Variants in NHLRC3 observed in about 807,000 individuals in gnomAD.
The protein encoded by NHLRC3 is NHL repeat-containing protein 3.
A neutral mutation model predicts 32.0 loss-of-function variants in NHLRC3; 23 were observed. The ratio of observed to expected loss-of-function variants is 0.72; its 90% confidence interval spans 0.52 to 1.02. The LOEUF (loss-of-function observed/expected upper bound fraction) is 1.02, where lower values mean the gene tolerates loss of function less well. Among genes scored for constraint, NHLRC3 ranks in the 50% least tolerant of loss-of-function variants. The probability of loss-of-function intolerance (pLI) is 0.00; values close to 1 mark genes in which losing one functional copy is unlikely to be tolerated. For synonymous variants in NHLRC3, 159 were observed against 147.9 expected (o/e 1.08, Z -0.55); for missense variants, 407 against 406.8 (o/e 1.00, Z -0.01).
chr13:39,039,099 C>A, intron 1 of NHLRC3, 37 bp from the exon 2 acceptor site: 1 of 995,706 alleles, frequency 1.0e-6, no homozygotes, highest in Non-Finnish European at 1.4e-6. Context: ...CTTACCTAGA[C>A]GGTAAACTAA....
At chr13:39,040,919 A>G (rs1871443446) in intron 3 of NHLRC3, 1 of 152,222 alleles carries the variant, frequency 6.6e-6, no homozygotes, top group African/African-American at 2.4e-5. Flanking sequence ...AAAAAAGTCT[A>G]TAGATTATCA....
rs756346791 is a variant in NHLRC3 at position 39,039,266 on chromosome 13, A to G, written c.215A>G (p.Asn72Ser). Residue 72 changes from asparagine to serine, a missense_variant, in exon 2 of 7, where the codon AAT (asparagine) becomes AGT (serine). Asn to Ser is a conservative substitution (Grantham distance 46, BLOSUM62 1). Transcript: ENST00000379600. Reference protein sequence around the residue: ...TTFCVAVDSLNGLVYIGQRGD... With the variant: ...TTFCVAVDSLSGLVYIGQRGD... The stretch of plus-strand genomic sequence containing the variant: ...TTTTGTGTTGCAGTTGACTCCCTCA[A>G]TGGATTGGTTTACATAGGTCAAGTA... The G allele has an allele frequency of 5.6e-6, 9 of 1,613,912 alleles. No individual in the cohort carries two copies. Among genetic ancestry groups the G allele is most frequent in the South Asian group, 2.2e-5 (2 of 91,090 alleles).
At chr13:39,044,396 G>C (rs1168634529) in intron 5 of NHLRC3, 1 of 480,112 alleles carries the variant, frequency 2.1e-6, no homozygotes, top group Non-Finnish European at 3.7e-6. Flanking sequence ...ACAAGTGTTT[G>C]AGTCCTATAG....
At chr13:39,044,280 T>G in intron 5 of NHLRC3, 99 bp downstream of exon 5, 1 of 844,358 alleles carries the variant, frequency 1.2e-6, no homozygotes, top group Non-Finnish European at 2.0e-6. Context: ...TGGGCATGTA[T>G]ATATAGATTG....
At chr13:39,041,030 T>G (rs1027630065) in intron 3 of NHLRC3, 1 of 152,220 alleles carries the variant, frequency 6.6e-6, no homozygotes, top group African/African-American at 2.4e-5. Flanking sequence ...ATTCATGTGA[T>G]TTTTAAAAAT....
intron 5 of NHLRC3, among the ~76,000 whole-genome samples, chr13:39,046,232 T>C (rs1435500105): frequency 6.6e-6 from 1 of 152,106 alleles, no homozygotes; most frequent in Non-Finnish European, 1.5e-5. Context: ...GGCAGGAGAA[T>C]GGCGTGTACC....
At chr13:39,047,575 C>A in intron 6 of NHLRC3, 99 bp from the exon 7 acceptor site, 4 of 822,644 alleles carry the variant, frequency 4.9e-6, no homozygotes, top group Non-Finnish European at 7.6e-6. Context: ...CAAGTAGGTG[C>A]CTACTGTTGT....
At chr13:39,039,335 C>G in intron 2 of NHLRC3, 47 bp downstream of exon 2, 1 of 1,462,414 alleles carries the variant, frequency 6.8e-7, no homozygotes, top group Non-Finnish European at 9.6e-7. Flanking sequence ...AAGGAAGTAA[C>G]AGCCTTCCTG....
intron 5 of NHLRC3, 101 bp from the exon 6 acceptor site, chr13:39,046,939 T>C: frequency 1.2e-6 from 1 of 804,708 alleles, no homozygotes; most frequent in Non-Finnish European, 2.1e-6. Context: ...GGAATCCTCT[T>C]AAGTGAGATA....
intron 1 of NHLRC3, 112 bp downstream of exon 1, chr13:39,038,835 C>T (rs1270128449): frequency 4.4e-6 from 4 of 915,214 alleles, no homozygotes; most frequent in African/African-American, 3.3e-5. Flanking sequence ...AGTAGCTTGT[C>T]TCAAAGCCTG....
Position 39,038,592 on chromosome 13 carries a change from T to TC in NHLRC3, c.-43dup. 3 of 1,507,314 alleles carry TC rather than the reference T, an allele frequency of 2.0e-6. No individual in the cohort carries two copies. Among genetic ancestry groups the TC allele is most frequent in the Non-Finnish European group, 1.8e-6 (2 of 1,082,190 alleles). The allele number at this position is 1,507,314 out of a possible 1,614,324, so 93.4% of individuals were successfully genotyped here. ...GTTGCAGCCTGAGGCTGTCAGGTCCTCCCCCAGACACCTGCGGACCCTCCC... is the reference window on the plus strand; with the variant it reads ...GTTGCAGCCTGAGGCTGTCAGGTCCTCCCCCCAGACACCTGCGGACCCTCCC... On this transcript the variant is annotated 5_prime_UTR_variant, in exon 1 of 7. Transcript: ENST00000379600.
intron 3 of NHLRC3, chr13:39,040,970 C>CT (rs1186877621): frequency 6.6e-6 from 1 of 152,160 alleles, no homozygotes; most frequent in East Asian, 1.9e-4. Flanking sequence ...TCTATTTTCA[C>CT]TTTTTTCCTG....
In NHLRC3 at chr13:39,042,298, G is replaced by C; in HGVS notation, c.579G>C (p.Leu193=). Residue 193 remains leucine (L), a synonymous_variant, in exon 4 of 7, where the codon CTG becomes CTC. Transcript: ENST00000379600. The part of the protein sequence containing the change: ...DGGLNNRLIK[L]SQDFMILWLH... ...GATTGAATAACAGATTGATCAAACT[G>C]TCCCAAGGTACATTACTTGTTTATG... The C allele has an allele frequency of 6.4e-7, 1 of 1,567,014 alleles. No individual in the cohort carries two copies. The highest frequency in any genetic ancestry group is 8.8e-7 in the Non-Finnish European group (1 of 1,137,952).
In NHLRC3 at chr13:39,047,052, G is replaced by A. The variant is rs937406148; in HGVS notation, c.691G>A (p.Asp231Asn). 2 of 1,609,270 alleles carry A rather than the reference G, an allele frequency of 1.2e-6. No homozygotes were observed. Among genetic ancestry groups the A allele is most frequent in the South Asian group, 1.1e-5 (1 of 90,694 alleles). Residue 231 changes from aspartate (D) to asparagine (N), a missense_variant, in exon 6 of 7, where the codon GAC (aspartate) becomes AAC (asparagine). Asp to Asn is a conservative substitution (Grantham distance 23). Coordinates refer to ENST00000379600, the MANE Select transcript of NHLRC3 (RefSeq NM_001012754.4). ...GTGTGTTTCTCAGGTGTGGGTTGCT[G>A]ACCGAGGAAATAAAAGAATCCAAGT... ...LDSAGRVWVA[D>N]RGNKRIQVFD...
intron 1 of NHLRC3, 195 bp downstream of exon 1, chr13:39,038,918 C>T (rs1326798462): frequency 1.2e-5 from 8 of 644,826 alleles, no homozygotes; most frequent in Admixed American, 1.1e-4. Context: ...TTTCCTCTTT[C>T]CCAACTCTTA....
chr13:39,039,479 T>G (rs753586056), intron 2 of NHLRC3, 85 bp from the exon 3 acceptor site: 4 of 1,294,054 alleles, frequency 3.1e-6, no homozygotes, highest in Non-Finnish European at 4.3e-6. Flanking sequence ...GTAGTAAAAT[T>G]CTCAGTTATT....
intron 5 of NHLRC3, among the ~76,000 whole-genome samples, chr13:39,044,772 T>G (rs1418359817): frequency 6.6e-6 from 1 of 152,236 alleles, no homozygotes; most frequent in African/African-American, 2.4e-5. Context: ...ACTCAATTTC[T>G]AAGCATAGAT....
In NHLRC3 at chr13:39,038,507, A is replaced by G. The variant is rs1871291363; in HGVS notation, c.-133A>G. On this transcript the variant is annotated 5_prime_UTR_variant, in exon 1 of 7. Coordinates refer to ENST00000379600, the MANE Select transcript of NHLRC3 (RefSeq NM_001012754.4). ...GTACTCAAAGCTCGTGCATCCAGGG[A>G]GGGGAAACCGGAGATAGGGTCTTCG... The G allele has an allele frequency of 1.4e-6, 1 of 731,866 alleles. No individual in the cohort carries two copies. Among genetic ancestry groups the G allele is most frequent in the Non-Finnish European group, 2.5e-6 (1 of 405,548 alleles). The allele number at this position is 731,866 out of a possible 1,614,324, so 45.3% of individuals were successfully genotyped here.
Position 39,047,027 on chromosome 13 carries a change from G to T in NHLRC3, c.679-13G>T, listed in dbSNP as rs777048209. 4 of 1,497,268 alleles carry T rather than the reference G, an allele frequency of 2.7e-6. No individual in the cohort carries two copies. The highest frequency in any genetic ancestry group is 2.3e-5 in the East Asian group (1 of 44,140). The allele number at this position is 1,497,268 out of a possible 1,614,324, so 92.7% of individuals were successfully genotyped here. A position where few individuals can be genotyped will look rare whatever the true frequency, so the allele number is the denominator to read the frequency against. The stretch of plus-strand genomic sequence containing the variant: ...TGGATATTTTTCAATTGACATTTTT[G>T]TGTGTTTCTCAGGTGTGGGTTGCTG... On this transcript the variant is annotated splice_polypyrimidine_tract_variant and intron_variant, in intron 5 of 6. Coordinates refer to ENST00000379600, the MANE Select transcript of NHLRC3 (RefSeq NM_001012754.4).
Sources: gnomAD v4.1 joint callset for allele counts (sites outside exome capture counted in the v4.1 genomes callset) on GRCh38, gnomAD v4.1.1 for gene constraint, MANE v1.5 for transcripts, NCBI Gene and HGNC (gene_info 2026-07-23, HGNC 2026-07-21) for gene names.